ITPR3: variants seen among roughly 807,000 people sequenced by gnomAD.
ITPR3 encodes the protein inositol 1,4,5-trisphosphate receptor type 3.
In ITPR3, 173 loss-of-function variants were observed where a neutral mutation model predicts 293.2. That is an observed-to-expected ratio of 0.59 (90% CI 0.52 to 0.67). ITPR3 has a LOEUF of 0.67. Ranked by LOEUF, ITPR3 falls within the 30% of genes least tolerant of loss-of-function variation. The pLI is 0.00. For missense variants in ITPR3, 2,796 were observed against 3,592.1 expected (o/e 0.78, Z 5.66); for synonymous variants, 1,295 against 1,444.4 (o/e 0.90, Z 2.35).
intron 8 of ITPR3, 102 bp from the exon 9 acceptor site, chr6:33,662,809 G>A (rs1359354813): frequency 4.0e-6 from 6 of 1,486,358 alleles, no homozygotes; most frequent in Non-Finnish European, 5.4e-6. Flanking sequence ...GGCCAGAGAG[G>A]GTCCAGAACC....
At chr6:33,669,985 C>T (rs1466800673) in intron 18 of ITPR3, among the ~76,000 whole-genome samples, 1 of 152,068 alleles carries the variant, frequency 6.6e-6, no homozygotes, top group Admixed American at 6.5e-5. Flanking sequence ...CCCACCTCCC[C>T]CTCCTCCCTC....
intron 30 of ITPR3, 128 bp downstream of exon 30, chr6:33,678,967 A>G: frequency 2.1e-6 from 2 of 935,004 alleles, no homozygotes. Context: ...GCTGCTGACC[A>G]TGGAGGGGAC....
intron 1 of ITPR3, among the ~76,000 whole-genome samples, chr6:33,623,374 T>C (rs1318146722): frequency 7.0e-6 from 1 of 142,204 alleles, no homozygotes; most frequent in Non-Finnish European, 1.5e-5. Context: ...TCACTCAGGC[T>C]AGAATGCAGT....
At chr6:33,674,187 C>T (rs1197007613) in intron 23 of ITPR3, 21 bp from the exon 24 acceptor site, 1 of 1,613,832 alleles carries the variant, frequency 6.2e-7, no homozygotes, top group South Asian at 1.1e-5. Context: ...AATCTGCTTC[C>T]ATCTGCCCCT....
intron 2 of ITPR3, among the ~76,000 whole-genome samples, chr6:33,653,553 T>C (rs1013088595): frequency 4.0e-5 from 6 of 151,870 alleles, no homozygotes; most frequent in African/African-American, 1.4e-4. Flanking sequence ...TCAGTTTATA[T>C]TGGAGTTGCA....
At chr6:33,695,510 G>A in intron 57 of ITPR3, 1 of 600,994 alleles carries the variant, frequency 1.7e-6, no homozygotes, top group Non-Finnish European at 3.0e-6. Flanking sequence ...CAAATCCAGG[G>A]TTTGTGACAC....
At chr6:33,656,430 T>A (rs1764307315) in intron 3 of ITPR3, among the ~76,000 whole-genome samples, 2 of 152,302 alleles carry the variant, frequency 1.3e-5, no homozygotes, top group South Asian at 4.1e-4. Context: ...GGGAACCCAA[T>A]TTGGGAGCCC....
chr6:33,674,417 C>T, intron 24 of ITPR3, 152 bp downstream of exon 24: 1 of 687,118 alleles, frequency 1.5e-6, no homozygotes, highest in Non-Finnish European at 2.4e-6. Flanking sequence ...AGCCCCTCCC[C>T]TGCCTCCCCA....
In ITPR3 at chr6:33,679,197, G is replaced by A. The variant is rs1764999397; in HGVS notation, c.3972+358G>A. ...TACATGCATGGGGGACATCAGCTGA[G>A]TGTCAGCTCCTGGGGGGCACGGGCA... On this transcript the variant is annotated intron_variant, in intron 30 of 57. Coordinates refer to ENST00000605930, the MANE Select transcript of ITPR3 (RefSeq NM_002224.4). The surrounding 1 kb of genome is among the most constrained non-coding windows in gnomAD (Gnocchi z 4.2). Among the ~76,000 whole-genome samples the A allele has an allele frequency of 6.6e-6, 1 of 152,228 alleles. No individual in the cohort carries two copies. The highest frequency in any genetic ancestry group is 6.5e-5 in the Admixed American group (1 of 15,286).
Position 33,672,101 on chromosome 6 carries a change from C to G in ITPR3, c.2801C>G (p.Ser934Cys), listed in dbSNP as rs775083344. Reference protein sequence around the residue: ...MSTMVLSRKQSVFSAPSLSAG... With the variant: ...MSTMVLSRKQCVFSAPSLSAG... Reference sequence around the variant, plus strand: ...ACCATGGTGCTGAGCCGCAAGCAGTCCGTCTTCAGTGCCCCCAGCCTGTCT... The same window carrying G: ...ACCATGGTGCTGAGCCGCAAGCAGTGCGTCTTCAGTGCCCCCAGCCTGTCT... The change falls in exon 22 of 58, where the codon TCC (serine) becomes TGC (cysteine). Residue 934 changes from serine (S) to cysteine (C), a missense_variant. By Grantham distance (112) the Ser-to-Cys change is moderately radical. Around this residue, in one of 8 missense-constraint regions of ITPR3, gnomAD observed 955 missense variants for 1,180.8 expected, o/e 0.81. Transcript: ENST00000605930. This position sits in a 1 kb window ranked among gnomAD's most constrained non-coding sequence, Gnocchi z 5.0. 1 of 1,613,824 alleles carries G rather than the reference C, an allele frequency of 6.2e-7. No homozygotes were observed. The highest frequency in any genetic ancestry group is 1.3e-5 in the African/African-American group (1 of 74,910).
intron 2 of ITPR3, among the ~76,000 whole-genome samples, chr6:33,645,039 A>G (rs995231642): frequency 3.3e-5 from 5 of 150,840 alleles, no homozygotes; most frequent in Non-Finnish European, 4.4e-5. Context: ...TTTAAATTCT[A>G]TACTGGTTCC....
intron 51 of ITPR3, 121 bp from the exon 52 acceptor site, chr6:33,690,795 TG>T: frequency 1.1e-6 from 1 of 874,784 alleles, no homozygotes; most frequent in Non-Finnish European, 1.8e-6. Context: ...CAGACCTCCC[TG>T]GAGGAGCCTT....
intron 16 of ITPR3, among the ~76,000 whole-genome samples, chr6:33,668,207 T>A (rs1284104049): frequency 2.0e-5 from 3 of 152,238 alleles, no homozygotes; most frequent in Non-Finnish European, 4.4e-5. Flanking sequence ...CCCCAAGACC[T>A]TCTCCAGTGA....
At chr6:33,652,449 C>T (rs1764213305) in intron 2 of ITPR3, among the ~76,000 whole-genome samples, 2 of 152,104 alleles carry the variant, frequency 1.3e-5, no homozygotes, top group African/African-American at 4.8e-5. Flanking sequence ...TATAATCTAT[C>T]CATATCCATA....
chr6:33,630,437 C>A lies in ITPR3; in HGVS notation c.89+8746C>A, dbSNP rs186149903. On this transcript the variant is annotated intron_variant, in intron 1 of 57. Transcript: ENST00000605930. The stretch of plus-strand genomic sequence containing the variant: ...TGGGTTATGGAGAGTGGGAGACAAG[C>A]CTGGGGCTGGCAGGCCAAATATATG... Among the ~76,000 whole-genome samples, 36 of 152,318 alleles carry A rather than the reference C, an allele frequency of 2.4e-4. No homozygotes were observed. In the East Asian group the frequency reaches 6.9e-3, roughly 29 times the overall value.
At position 33,663,376 on chromosome 6, in the gene ITPR3, C is replaced by G. The variant is rs1333494136; in HGVS notation, c.955-124C>G. The G allele has an allele frequency of 1.6e-5, 12 of 758,446 alleles. No individual in the cohort carries two copies. In the East Asian group the frequency reaches 3.0e-4, roughly 19 times the overall value. The allele number at this position is 758,446 out of a possible 1,614,324, so 47.0% of individuals were successfully genotyped here. On this transcript the variant is annotated intron_variant, in intron 9 of 57. Coordinates refer to ENST00000605930, the MANE Select transcript of ITPR3 (RefSeq NM_002224.4). ...GCTCCCCTGGAATGATATGGGCACC[C>G]CTGGGAGGGTGCAGCCTGCCTGCCC... is the stretch of plus-strand genomic sequence containing the variant.
At chr6:33,634,848 C>T (rs916744547) in intron 1 of ITPR3, among the ~76,000 whole-genome samples, 2 of 152,092 alleles carry the variant, frequency 1.3e-5, no homozygotes, top group Admixed American at 1.3e-4. Flanking sequence ...CCAGGAGAGG[C>T]GTGGAGGGGT....
intron 1 of ITPR3, among the ~76,000 whole-genome samples, chr6:33,623,131 C>T (rs1244075838): frequency 6.6e-6 from 1 of 152,028 alleles, no homozygotes; most frequent in Non-Finnish European, 1.5e-5. Context: ...ACAGTAGGTA[C>T]AGAGTAAACA....
Position 33,687,553 on chromosome 6 carries a change from A to C in ITPR3, c.6253A>C (p.Ile2085Leu), listed in dbSNP as rs1194159037. The C allele has an allele frequency of 6.3e-7, 1 of 1,580,172 alleles. No homozygotes were observed. Among genetic ancestry groups the C allele is most frequent in the Non-Finnish European group, 8.7e-7 (1 of 1,153,710 alleles). Residue 2085 changes from isoleucine to leucine, a missense_variant, in exon 46 of 58, where the codon ATC becomes CTC. By Grantham distance (5) the Ile-to-Leu change is conservative (BLOSUM62 2). Around this residue, in one of 8 missense-constraint regions of ITPR3, gnomAD observed 568 missense variants for 796.1 expected, o/e 0.71. Transcript: ENST00000605930. This position sits in a 1 kb window ranked among gnomAD's most constrained non-coding sequence, Gnocchi z 5.3. ...CATTCAAGAGGAGGAGGCCGAGGGT[A>C]TCTCTTCCATGGTGGGTGCTGGCCC... ...KRIQEEEAEG[I>L]SSMLSLNNKQ...
Sources: gnomAD v4.1 joint callset for allele counts (sites outside exome capture counted in the v4.1 genomes callset) on GRCh38, gnomAD v4.1.1 for gene constraint, gnomAD v4.1.1 regional missense constraint, Gnocchi (gnomAD v3.1) non-coding constraint, MANE v1.5 for transcripts, NCBI Gene and HGNC (gene_info 2026-07-23, HGNC 2026-07-21) for gene names.